The following NLGN1 variants were observed in gnomAD, a reference collection of about 807,000 sequenced individuals.
NLGN1 encodes the protein neuroligin-1.
In NLGN1, 12 loss-of-function variants were observed where a neutral mutation model predicts 65.5. That is an observed-to-expected ratio of 0.18 (90% CI 0.12 to 0.30). The LOEUF is 0.30. Among genes scored for constraint, NLGN1 ranks in the 10% least tolerant of loss-of-function variants. NLGN1 has a pLI of 1.00. For synonymous variants in NLGN1, 350 were observed against 359.5 expected, an observed-to-expected ratio of 0.97 and a Z score of 0.30; for missense variants, 750 against 1,007.1, an observed-to-expected ratio of 0.74 and a Z score of 3.46.
In NLGN1 at chr3:173,869,671, G is replaced by T. The variant is rs567726931; in HGVS notation, c.646+61839G>T. ...TCAATGTAAACCCAGTCTTCTTGGT[G>T]TAGAAAAAGAAATTATCACAGGTAT... On this transcript the variant is annotated intron_variant, in intron 4 of 6. Transcript: ENST00000457714. 1.3e-3 allele frequency among the ~76,000 whole-genome samples: 198 copies of T among 152,274 alleles called. 1 individual carries two copies. The highest frequency in any genetic ancestry group is 8.6e-3 in the Admixed American group (132 of 15,286).
intron 4 of NLGN1, among the ~76,000 whole-genome samples, chr3:174,067,649 A>T (rs552582719): frequency 6.6e-6 from 1 of 152,142 alleles, no homozygotes; most frequent in African/African-American, 2.4e-5. Flanking sequence ...GAGGAATTTC[A>T]TCGGACAAAG....
At chr3:173,878,758 G>A (rs1341667030) in intron 4 of NLGN1, among the ~76,000 whole-genome samples, 1 of 148,570 alleles carries the variant, frequency 6.7e-6, no homozygotes, top group African/African-American at 2.5e-5. Context: ...CTCTGTGTAG[G>A]TAATAGGGAT....
rs1466143802 is a variant in NLGN1 at position 174,094,740 on chromosome 3, C to T, written c.647-180575C>T. 6.2e-5 allele frequency among the ~76,000 whole-genome samples: 7 copies of T among 113,520 alleles called. No individual in the cohort carries two copies. The South Asian group carries it at 1.6e-3, about 26-fold the overall frequency. The allele number at this position is 113,520 out of a possible 152,430, so 74.5% of individuals were successfully genotyped here. A position where few individuals can be genotyped will look rare whatever the true frequency, so the allele number is the denominator to read the frequency against. On this transcript the variant is annotated intron_variant, in intron 4 of 6. Coordinates refer to ENST00000457714, the Ensembl canonical transcript of NLGN1. ...TGCTTTCCTGCTCATTGTTCCTTGG[C>T]TCCGCTAAAAAAAAAAAAAAAAAAA...
intron 2 of NLGN1, among the ~76,000 whole-genome samples, chr3:173,556,236 A>G (rs1159440153): frequency 1.3e-5 from 2 of 152,122 alleles, no homozygotes; most frequent in African/African-American, 4.8e-5. Flanking sequence ...CTTTACTTAA[A>G]AGAAACTTTT....
At chr3:173,869,154 G>GT (rs1730728421) in intron 4 of NLGN1, among the ~76,000 whole-genome samples, 1 of 152,112 alleles carries the variant, frequency 6.6e-6, no homozygotes, top group African/African-American at 2.4e-5. Context: ...ATCATAATTT[G>GT]TAAGTACAGA....
rs368035940 is a variant in NLGN1, at chr3:173,731,729, A to C, written c.494-75951A>C. 7.2e-5 allele frequency among the ~76,000 whole-genome samples: 11 copies of C among 152,240 alleles called. No individual in the cohort carries two copies. In the South Asian group the frequency reaches 2.3e-3, roughly 32 times the overall value. ...GAAAAATACAAATTCTGTTTAAAAA[A>C]TAATTCACCTAGAACAATATTCTGT... On this transcript the variant is annotated intron_variant, in intron 3 of 6. Transcript: ENST00000457714.
At chr3:173,904,382 A>G (rs973525468) in intron 4 of NLGN1, among the ~76,000 whole-genome samples, 1 of 152,146 alleles carries the variant, frequency 6.6e-6, no homozygotes, top group African/African-American at 2.4e-5. Flanking sequence ...TCTAGGATCA[A>G]GGGGTTAGAA....
intron 4 of NLGN1, among the ~76,000 whole-genome samples, chr3:174,238,126 A>G (rs905038531): frequency 1.3e-5 from 2 of 152,028 alleles, no homozygotes; most frequent in South Asian, 2.1e-4. Context: ...TTTCACCTCT[A>G]TACTCATTTG....
chr3:173,831,040 A>G (rs978350305), intron 4 of NLGN1, among the ~76,000 whole-genome samples: 7 of 152,304 alleles, frequency 4.6e-5, no homozygotes, highest in Admixed American at 3.3e-4. Flanking sequence ...GGTCAACCCA[A>G]TATCCCCCTT....
intron 2 of NLGN1, among the ~76,000 whole-genome samples, chr3:173,589,520 G>A (rs1748081220): frequency 6.6e-6 from 1 of 151,940 alleles, no homozygotes; most frequent in African/African-American, 2.4e-5. Flanking sequence ...TTTATTTGAT[G>A]GTGGCAGTGC....
intron 2 of NLGN1, among the ~76,000 whole-genome samples, chr3:173,437,701 T>C (rs191489213): frequency 6.6e-5 from 10 of 152,270 alleles, no homozygotes; most frequent in Admixed American, 6.5e-5. Context: ...CATCGTGTGT[T>C]GTTTCTTTCA....
chr3:173,934,915 A>G (rs1163987686), intron 4 of NLGN1, among the ~76,000 whole-genome samples: 2 of 152,066 alleles, frequency 1.3e-5, no homozygotes, highest in Non-Finnish European at 2.9e-5. Flanking sequence ...TTAATAAAAG[A>G]GTCTCTATCC....
At chr3:173,477,609 G>T (rs143225283) in intron 2 of NLGN1, among the ~76,000 whole-genome samples, 1 of 152,226 alleles carries the variant, frequency 6.6e-6, no homozygotes, top group African/African-American at 2.4e-5. Flanking sequence ...GCACAGAAAG[G>T]GTAGAAAGGG....
intron 4 of NLGN1, among the ~76,000 whole-genome samples, chr3:174,073,920 G>A (rs1740403720): frequency 6.6e-6 from 1 of 152,094 alleles, no homozygotes; most frequent in Non-Finnish European, 1.5e-5. Context: ...AAGGTACTAG[G>A]AATATCTTGA....
intron 4 of NLGN1, among the ~76,000 whole-genome samples, chr3:174,242,206 GT>G (rs1743011169): frequency 6.6e-6 from 1 of 151,964 alleles, no homozygotes; most frequent in South Asian, 2.1e-4. Context: ...GTTGTAAATT[GT>G]TTAGACTGCT....
chr3:174,117,303 A>G (rs1716700295), intron 4 of NLGN1, among the ~76,000 whole-genome samples: 1 of 151,934 alleles, frequency 6.6e-6, no homozygotes, highest in African/African-American at 2.4e-5. Context: ...TATAATATAT[A>G]TCACAGCACA....
chr3:173,469,050 T>TA (rs1274597263), intron 2 of NLGN1, among the ~76,000 whole-genome samples: 4 of 152,094 alleles, frequency 2.6e-5, no homozygotes, highest in Admixed American at 2.6e-4. Context: ...AGAAGTTTAT[T>TA]AGGCTTGAGA....
chr3:173,572,662 G>A (rs192610421), intron 2 of NLGN1, among the ~76,000 whole-genome samples: 109 of 152,268 alleles, frequency 7.2e-4, no homozygotes, highest in African/African-American at 2.5e-3. Flanking sequence ...TTATGATTTC[G>A]AGCCAGTGCC....
At chr3:173,578,235 C>CAA (rs34436890) in intron 2 of NLGN1, among the ~76,000 whole-genome samples, 64,110 of 127,972 alleles carry the variant, frequency 0.5, 14,942 homozygotes, top group East Asian at 0.73. Context: ...GACTCCGTCT[C>CAA]AAAAAAAAAA....
Sources: allele counts gnomAD v4.1 joint callset (sites outside exome capture counted in the v4.1 genomes callset), GRCh38; gene constraint gnomAD v4.1.1; transcripts MANE v1.5; gene names NCBI Gene and HGNC (gene_info 2026-07-23, HGNC 2026-07-21).